The following SCAF8 variants were observed in gnomAD, a reference collection of about 807,000 sequenced individuals.
The protein encoded by SCAF8 is SR-related and CTD-associated factor 8.
A neutral mutation model predicts 140.5 loss-of-function variants in SCAF8; 23 were observed. The ratio of observed to expected loss-of-function variants is 0.16; its 90% CI spans 0.12 to 0.23. The LOEUF (loss-of-function observed/expected upper bound fraction) is 0.23. Ranked by LOEUF, SCAF8 falls within the 10% of genes least tolerant of loss-of-function variation. The pLI, the probability that SCAF8 is intolerant of heterozygous loss-of-function variation, is 1.00. For synonymous variants in SCAF8, 575 were observed against 528.9 expected, an observed-to-expected ratio of 1.09 and a Z score of -1.20; for missense variants, 1,397 against 1,555.7, an observed-to-expected ratio of 0.90 and a Z score of 1.72.
At chr6:154,824,907 G>A (rs1778520817) in intron 17 of SCAF8, 1 of 151,238 alleles carries the variant, frequency 6.6e-6, no homozygotes, top group African/African-American at 2.4e-5. Context: ...TCACACCACT[G>A]TGCTCCAGCC....
At chr6:154,770,077 T>A (rs1466558957) in intron 1 of SCAF8, among the ~76,000 whole-genome samples, 2 of 152,178 alleles carry the variant, frequency 1.3e-5, no homozygotes, top group African/African-American at 4.8e-5. Flanking sequence ...AGGGCATGAA[T>A]ATATTAAAAT....
intron 1 of SCAF8, among the ~76,000 whole-genome samples, chr6:154,745,031 TG>T (rs1778662104): frequency 6.6e-6 from 1 of 152,234 alleles, no homozygotes; most frequent in South Asian, 2.1e-4. Context: ...GATACAGTAC[TG>T]TTGTCTGTAG....
Position 154,733,584 on chromosome 6 carries a change from A to AC in SCAF8, c.-316dup, listed in dbSNP as rs1778318761. The AC allele has an allele frequency of 3.1e-6, 4 of 1,281,152 alleles. No homozygotes were observed. Among genetic ancestry groups the AC allele is most frequent in the Non-Finnish European group, 3.9e-6 (4 of 1,016,742 alleles). The allele number at this position is 1,281,152 out of a possible 1,614,324, so 79.4% of individuals were successfully genotyped here. On this transcript the variant is annotated 5_prime_UTR_variant, in exon 1 of 20. Transcript: ENST00000367178. ...AGGGGCTAGAGGGAGGGGGACCGAA[A>AC]CGGAGCGGGGCAGAGAAGAGAAGGC... is the stretch of plus-strand genomic sequence containing the variant.
chr6:154,790,461 A>C (rs1231912175), intron 4 of SCAF8, among the ~76,000 whole-genome samples: 1 of 129,462 alleles, frequency 7.7e-6, no homozygotes, highest in African/African-American at 2.7e-5. Context: ...TTGCTATTTT[A>C]CTTTGTAAAA....
rs1011942280 is a variant in SCAF8, at chr6:154,733,428, G to A, written c.-473G>A. ...ACTCGAGTCCGCCATATTGGATGCC[G>A]CAGCCGCTGCTGCCAGCGCTTCCTC... On this transcript the variant is annotated 5_prime_UTR_variant, in exon 1 of 20. Coordinates refer to ENST00000367178, the MANE Select transcript of SCAF8 (RefSeq NM_014892.5). 9 of 1,400,056 alleles carry A rather than the reference G, an allele frequency of 6.4e-6. No homozygotes were observed. The highest frequency in any genetic ancestry group is 6.1e-5 in the East Asian group (2 of 32,786). 86.7% of individuals were successfully genotyped at this position (1,400,056 alleles called of 1,614,324 possible). A position where few individuals can be genotyped will look rare whatever the true frequency, so the allele number is the denominator to read the frequency against.
chr6:154,823,340 G>A (rs932046005), intron 16 of SCAF8, among the ~76,000 whole-genome samples: 5 of 152,190 alleles, frequency 3.3e-5, no homozygotes, highest in Admixed American at 2.0e-4. Context: ...TTGAGAATAG[G>A]CTGTAGTGAG....
intron 1 of SCAF8, among the ~76,000 whole-genome samples, chr6:154,735,920 G>A (rs1335499129): frequency 1.3e-5 from 2 of 151,584 alleles, no homozygotes; most frequent in African/African-American, 4.9e-5. Flanking sequence ...TTTGCCTCCC[G>A]GGCCCAAGGG....
At chr6:154,736,217 G>C (rs558136145) in intron 1 of SCAF8, among the ~76,000 whole-genome samples, 3 of 151,536 alleles carry the variant, frequency 2.0e-5, no homozygotes, top group Non-Finnish European at 4.4e-5. Flanking sequence ...TCTGTCTTTG[G>C]GGGGGTTCCT....
chr6:154,832,067 C>T lies in SCAF8; in HGVS notation c.2488C>T (p.Arg830Trp), dbSNP rs1452155061. The T allele has an allele frequency of 4.3e-6, 7 of 1,613,818 alleles. No homozygotes were observed. Among genetic ancestry groups the T allele is most frequent in the African/African-American group, 2.7e-5 (2 of 74,852 alleles). The stretch of plus-strand genomic sequence containing the variant: ...AAGTAATTCTGAAATTCTTGGGGTC[C>T]GGCCATCTAATGTTTCCAGTAGTTC... The part of the protein sequence containing the change: ...VSSNSEILGV[R>W]PSNVSSSSGI... The change falls in exon 20 of 20, where the codon CGG becomes TGG. Residue 830 changes from arginine to tryptophan, a missense_variant. Physicochemically the swap from Arg to Trp is moderately radical, Grantham distance 101. This residue lies in a region of SCAF8 where 930 missense variants were observed against 874.6 expected (regional missense o/e 1.06). Transcript: ENST00000367178.
At chr6:154,800,971 C>G (rs991437679) in intron 6 of SCAF8, among the ~76,000 whole-genome samples, 12 of 151,346 alleles carry the variant, frequency 7.9e-5, no homozygotes, top group African/African-American at 2.9e-4. Flanking sequence ...GTCAGTAAGA[C>G]AGTAATTGAT....
intron 12 of SCAF8, among the ~76,000 whole-genome samples, chr6:154,814,012 A>T (rs1029885240): frequency 2.0e-5 from 3 of 152,244 alleles, no homozygotes; most frequent in African/African-American, 7.2e-5. Flanking sequence ...TTTTATTCTA[A>T]CTTCATGTTA....
chr6:154,770,958 T>G (rs1776747210), intron 1 of SCAF8, among the ~76,000 whole-genome samples: 1 of 152,200 alleles, frequency 6.6e-6, no homozygotes, highest in Non-Finnish European at 1.5e-5. Flanking sequence ...TTGGTCAGGC[T>G]GGTCTCACAC....
chr6:154,734,035 T>G, intron 1 of SCAF8, 105 bp downstream of exon 1: 1 of 1,406,928 alleles, frequency 7.1e-7, no homozygotes, highest in Non-Finnish European at 9.3e-7. Flanking sequence ...TTTTTAAGGG[T>G]GGGGTGAGCG....
rs538610720 is a variant in SCAF8, at chr6:154,802,364, A to T, written c.783+217A>T. Among the ~76,000 whole-genome samples, 11 of 152,224 alleles carry T rather than the reference A, an allele frequency of 7.2e-5. 1 individual carries two copies. Among genetic ancestry groups the T allele is most frequent in the African/African-American group, 2.6e-4 (11 of 41,544 alleles). On this transcript the variant is annotated intron_variant, in intron 7 of 19. Transcript: ENST00000367178. ...CCAGGCACAGTGGCTCACACCTATAATCCCCAGCACTTTGGGGGAGCGCAA... is the reference window on the plus strand; with the variant it reads ...CCAGGCACAGTGGCTCACACCTATATTCCCCAGCACTTTGGGGGAGCGCAA...
intron 18 of SCAF8, among the ~76,000 whole-genome samples, chr6:154,827,834 CGGG>C (rs36065536): frequency 1.2e-5 from 1 of 81,308 alleles, no homozygotes; most frequent in African/African-American, 4.8e-5. Flanking sequence ...TGGGGCGGGG[CGGG>C]GGGGGGGGCG....
chr6:154,755,639 G>C (rs1778949106), intron 1 of SCAF8, among the ~76,000 whole-genome samples: 1 of 152,124 alleles, frequency 6.6e-6, no homozygotes, highest in Non-Finnish European at 1.5e-5. Context: ...CAGCTGTACA[G>C]GTTCCTGAGC....
intron 6 of SCAF8, among the ~76,000 whole-genome samples, chr6:154,798,758 T>C (rs1012289099): frequency 6.6e-6 from 1 of 151,300 alleles, no homozygotes; most frequent in African/African-American, 2.4e-5. Flanking sequence ...CTCAGAATCC[T>C]CCAGTGGCTC....
chr6:154,808,302 C>CTTAA, intron 10 of SCAF8, 101 bp downstream of exon 10: 1 of 1,166,072 alleles, frequency 8.6e-7, no homozygotes, highest in East Asian at 2.5e-5. Context: ...TTTTCCCACA[C>CTTAA]TTAAGCTCCA....
At chr6:154,797,113 A>G (rs943485861) in intron 6 of SCAF8, among the ~76,000 whole-genome samples, 5 of 143,684 alleles carry the variant, frequency 3.5e-5, no homozygotes, top group Non-Finnish European at 7.9e-5. Context: ...AAATTTTATA[A>G]TAAATATTTA....
Sources: allele counts gnomAD v4.1 joint callset (sites outside exome capture counted in the v4.1 genomes callset), GRCh38; gene constraint gnomAD v4.1.1; regional missense constraint gnomAD v4.1.1; transcripts MANE v1.5; gene names NCBI Gene and HGNC (gene_info 2026-07-23, HGNC 2026-07-21).